Variants in P4HA1 observed in about 807,000 individuals in gnomAD.
P4HA1 encodes the protein prolyl 4-hydroxylase subunit alpha 1, also known as prolyl 4-hydroxylase subunit alpha-1.
A neutral mutation model predicts 72.8 loss-of-function variants in P4HA1; 24 were observed. The ratio of observed to expected loss-of-function variants is 0.33; its 90% CI spans 0.24 to 0.46. The LOEUF (loss-of-function observed/expected upper bound fraction) is 0.46. Ranked by LOEUF, P4HA1 falls within the 20% of genes least tolerant of loss-of-function variation. P4HA1 has a pLI of 1.00. For synonymous variants in P4HA1, 201 were observed against 218.8 expected (o/e 0.92, Z 0.72); for missense variants, 446 against 640.6 (o/e 0.70, Z 3.28).
chr10:73,060,232 T>G (rs1841281326), intron 5 of P4HA1, among the ~76,000 whole-genome samples: 1 of 152,238 alleles, frequency 6.6e-6, no homozygotes, highest in South Asian at 2.1e-4. Flanking sequence ...AGAATAATCA[T>G]GTTAATATCC....
intron 5 of P4HA1, among the ~76,000 whole-genome samples, chr10:73,056,609 G>A (rs1311820083): frequency 6.6e-6 from 1 of 151,804 alleles, no homozygotes; most frequent in Non-Finnish European, 1.5e-5. Context: ...TCCAGCCTGG[G>A]CAACAACAAT....
At chr10:73,027,886 G>A (rs1840328631) in intron 10 of P4HA1, among the ~76,000 whole-genome samples, 1 of 130,524 alleles carries the variant, frequency 7.7e-6, no homozygotes, top group Non-Finnish European at 1.6e-5. Flanking sequence ...GGGAGGGAGG[G>A]ACAGAGGGAG....
At chr10:73,061,790 CA>C (rs1841319345) in intron 5 of P4HA1, among the ~76,000 whole-genome samples, 1 of 151,984 alleles carries the variant, frequency 6.6e-6, no homozygotes, top group African/African-American at 2.4e-5. Context: ...AAATAAATTA[CA>C]AAGACCTACT....
intron 1 of P4HA1, among the ~76,000 whole-genome samples, chr10:73,077,390 A>G (rs1351040853): frequency 6.6e-6 from 1 of 152,186 alleles, no homozygotes; most frequent in Admixed American, 6.5e-5. Flanking sequence ...TTTTTTTGTC[A>G]TCTTTCATTG....
chr10:73,057,959 C>T (rs1841191720), intron 5 of P4HA1, among the ~76,000 whole-genome samples: 1 of 151,622 alleles, frequency 6.6e-6, no homozygotes, highest in Non-Finnish European at 1.5e-5. Context: ...GGCATGGTAG[C>T]ACACGCCTGT....
At chr10:73,093,393 C>T (rs1041971898) in intron 1 of P4HA1, among the ~76,000 whole-genome samples, 2 of 152,016 alleles carry the variant, frequency 1.3e-5, no homozygotes, top group African/African-American at 4.8e-5. Context: ...TTCACCACAC[C>T]GAGTTTAAAA....
At chr10:73,084,667 A>G (rs1051250436) in intron 1 of P4HA1, among the ~76,000 whole-genome samples, 5 of 152,162 alleles carry the variant, frequency 3.3e-5, no homozygotes, top group African/African-American at 4.8e-5. Context: ...CCATTTGGGG[A>G]AAAAAACTGG....
At chr10:73,057,996 C>T (rs902972835) in intron 5 of P4HA1, among the ~76,000 whole-genome samples, 1 of 144,896 alleles carries the variant, frequency 6.9e-6, no homozygotes, top group African/African-American at 2.6e-5. Context: ...GAGGCTGAGG[C>T]ACGAGAATCG....
chr10:73,037,385 A>G (rs1001597302), intron 9 of P4HA1, among the ~76,000 whole-genome samples: 4 of 150,152 alleles, frequency 2.7e-5, no homozygotes, highest in South Asian at 2.1e-4. Context: ...ACATTCTCAC[A>G]CTGCAAAACT....
chr10:73,055,279 A>T (rs1172797150), intron 5 of P4HA1, among the ~76,000 whole-genome samples: 2 of 152,182 alleles, frequency 1.3e-5, no homozygotes, highest in Non-Finnish European at 2.9e-5. Flanking sequence ...ATCTCAGCTC[A>T]CTGCAATCTC....
chr10:73,087,746 C>T (rs1278776704), intron 1 of P4HA1, among the ~76,000 whole-genome samples: 1 of 152,096 alleles, frequency 6.6e-6, no homozygotes, highest in African/African-American at 2.4e-5. Flanking sequence ...CCAGTCTTGG[C>T]CTCCCAAAGT....
chr10:73,079,623 TC>T (rs988612411), intron 1 of P4HA1, among the ~76,000 whole-genome samples: 2 of 151,954 alleles, frequency 1.3e-5, no homozygotes, highest in African/African-American at 4.8e-5. Context: ...GCGCCTATAA[TC>T]CCAGCTACTC....
intron 13 of P4HA1, 72 bp downstream of exon 13, chr10:73,010,897 G>T: frequency 9.7e-7 from 1 of 1,027,136 alleles, no homozygotes; most frequent in Non-Finnish European, 1.5e-6. Context: ...TCATTAATTA[G>T]ACCATGAATA....
intron 5 of P4HA1, among the ~76,000 whole-genome samples, chr10:73,054,799 T>C (rs1450946726): frequency 4.6e-5 from 7 of 152,214 alleles, no homozygotes; most frequent in African/African-American, 1.7e-4. Context: ...CTGGTGAGTA[T>C]GAAGAGGCAT....
chr10:73,063,121 T>C (rs962429730), intron 5 of P4HA1, among the ~76,000 whole-genome samples: 1 of 152,192 alleles, frequency 6.6e-6, no homozygotes, highest in Non-Finnish European at 1.5e-5. Context: ...ACTATCTTAG[T>C]GCATTTATGC....
chr10:73,017,546 T>C (rs1390230101), intron 10 of P4HA1, among the ~76,000 whole-genome samples: 1 of 152,210 alleles, frequency 6.6e-6, no homozygotes, highest in Non-Finnish European at 1.5e-5. Context: ...CACTAAACAC[T>C]TTCCTTTGGA....
At chr10:73,058,172 G>T (rs921715036) in intron 5 of P4HA1, among the ~76,000 whole-genome samples, 4 of 151,400 alleles carry the variant, frequency 2.6e-5, no homozygotes. Context: ...AAAGAAAGGG[G>T]ATGGTCATGG....
chr10:73,068,607 A>G (rs1002833617), intron 5 of P4HA1, among the ~76,000 whole-genome samples: 4 of 152,160 alleles, frequency 2.6e-5, no homozygotes, highest in Non-Finnish European at 4.4e-5. Context: ...AAAATTCCCT[A>G]CTTAAGTTAG....
chr10:73,088,195 CGAACCATTTT>C (rs1841961446), intron 1 of P4HA1, among the ~76,000 whole-genome samples: 1 of 152,126 alleles, frequency 6.6e-6, no homozygotes, highest in Non-Finnish European at 1.5e-5. Context: ...ACCCGGCCTA[CGAACCATTTT>C]GAACTAATTT....
Sources: allele counts gnomAD v4.1 joint callset (sites outside exome capture counted in the v4.1 genomes callset), GRCh38; gene constraint gnomAD v4.1.1; transcripts MANE v1.5; gene names NCBI Gene and HGNC (gene_info 2026-07-23, HGNC 2026-07-21).